MSRB3: variants seen among roughly 807,000 people sequenced by gnomAD.
The protein encoded by MSRB3 is methionine-R-sulfoxide reductase B3.
MSRB3 carries 13 observed loss-of-function variants against 21.0 expected under a neutral mutation model. The ratio of observed to expected loss-of-function variants is 0.62; its 90% CI spans 0.40 to 0.98. MSRB3 has a LOEUF of 0.98. Among genes scored for constraint, MSRB3 ranks in the 50% least tolerant of loss-of-function variants. MSRB3 has a pLI of 0.00. For synonymous variants in MSRB3, 87 were observed against 88.6 expected, an observed-to-expected ratio of 0.98 and a Z score of 0.10; for missense variants, 199 against 230.3, an observed-to-expected ratio of 0.86 and a Z score of 0.88.
intron 5 of MSRB3, among the ~76,000 whole-genome samples, chr12:65,426,868 G>A (rs949407044): frequency 1.8e-4 from 28 of 151,398 alleles, no homozygotes; most frequent in African/African-American, 6.8e-4. Flanking sequence ...GTATTTTTTG[G>A]CTCCCTAATT....
intron 4 of MSRB3, among the ~76,000 whole-genome samples, chr12:65,364,385 A>G (rs777180321): frequency 2.0e-5 from 3 of 152,170 alleles, no homozygotes; most frequent in Non-Finnish European, 4.4e-5. Context: ...TCTGTGCTAT[A>G]ATCACCATCT....
intron 5 of MSRB3, among the ~76,000 whole-genome samples, chr12:65,427,983 G>C (rs1354786471): frequency 1.4e-4 from 21 of 152,216 alleles, no homozygotes; most frequent in Admixed American, 1.3e-3. Context: ...AGAGTGTGAG[G>C]ACTCAAGAGG....
At chr12:65,280,597 A>C (rs1278259832) in intron 1 of MSRB3, among the ~76,000 whole-genome samples, 1 of 152,174 alleles carries the variant, frequency 6.6e-6, no homozygotes. Flanking sequence ...CCCAGCTGAT[A>C]TATCAGTCTA....
At chr12:65,398,823 A>G (rs1341058798) in intron 5 of MSRB3, among the ~76,000 whole-genome samples, 1 of 152,148 alleles carries the variant, frequency 6.6e-6, no homozygotes, top group African/African-American at 2.4e-5. Flanking sequence ...TTTTCTCCAT[A>G]TGGCTACCCA....
At chr12:65,294,796 A>G (rs1293855382) in intron 1 of MSRB3, among the ~76,000 whole-genome samples, 1 of 151,886 alleles carries the variant, frequency 6.6e-6, no homozygotes, top group Non-Finnish European at 1.5e-5. Flanking sequence ...TTGGTTTTCA[A>G]TCTTTTGCCA....
chr12:65,438,919 T>A (rs1001864000), intron 5 of MSRB3, among the ~76,000 whole-genome samples: 20 of 151,718 alleles, frequency 1.3e-4, no homozygotes, highest in Admixed American at 1.3e-3. Context: ...AAGCACAACA[T>A]AAAATGGACA....
intron 1 of MSRB3, among the ~76,000 whole-genome samples, chr12:65,290,804 TC>T (rs1278252817): frequency 6.6e-6 from 1 of 152,214 alleles, no homozygotes; most frequent in East Asian, 1.9e-4. Context: ...TTTGACTTTT[TC>T]AAGTAAGTTG....
At chr12:65,426,013 C>T (rs554455737) in intron 5 of MSRB3, among the ~76,000 whole-genome samples, 7 of 152,078 alleles carry the variant, frequency 4.6e-5, no homozygotes, top group South Asian at 2.1e-4. Flanking sequence ...TGTGCCACCA[C>T]GCCTGGCTAA....
At position 65,465,786 on chromosome 12, in the gene MSRB3, A is replaced by G. The variant is rs1003087936; in HGVS notation, c.*2464A>G. On this transcript the variant is annotated 3_prime_UTR_variant, in exon 7 of 7. Coordinates refer to ENST00000308259, the MANE Select transcript of MSRB3 (RefSeq NM_001031679.3). ...TAAAATTTAAGACCAGACCTCAGCC[A>G]TCAGCGTCCAGACCATCCTAGAAGT... The G allele has an allele frequency of 8.5e-5, 13 of 152,254 alleles. No individual in the cohort carries two copies. The highest frequency in any genetic ancestry group is 5.9e-4 in the Admixed American group (9 of 15,284). The allele number at this position is 152,254 out of a possible 1,614,324, so 9.4% of individuals were successfully genotyped here.
At chr12:65,419,250 G>A (rs1000862549) in intron 5 of MSRB3, 34 of 727,276 alleles carry the variant, frequency 4.7e-5, no homozygotes, top group Admixed American at 7.5e-5. Flanking sequence ...GAGCCAGCTC[G>A]TCATATTGGG....
chr12:65,422,388 G>GTATATATATATATATATA (rs59746471), intron 5 of MSRB3, among the ~76,000 whole-genome samples: 8 of 92,486 alleles, frequency 8.6e-5, no homozygotes, highest in Non-Finnish European at 1.5e-4. Context: ...GGAGTACATA[G>GTATATATATATATATATA]TATATATATA....
intron 5 of MSRB3, among the ~76,000 whole-genome samples, chr12:65,430,384 A>G (rs1461185322): frequency 6.6e-6 from 1 of 152,192 alleles, no homozygotes; most frequent in African/African-American, 2.4e-5. Context: ...TATAATACAT[A>G]TTGTACATTA....
chr12:65,450,750 T>C (rs1229020033), intron 5 of MSRB3, among the ~76,000 whole-genome samples: 1 of 152,228 alleles, frequency 6.6e-6, no homozygotes, highest in Non-Finnish European at 1.5e-5. Context: ...CGCAGATTGC[T>C]TTAGTCTCTG....
rs529702871 is a variant in MSRB3 at position 65,373,265 on chromosome 12, A to C, written c.292+4239A>C. Among the ~76,000 whole-genome samples, 8 of 152,340 alleles carry C rather than the reference A, an allele frequency of 5.3e-5. No individual in the cohort carries two copies. The South Asian group carries it at 1.7e-3, about 32-fold the overall frequency. ...TATAAGGATATAGGTGGAATTTACT[A>C]GTCACTAATATAACATCAGGATATT... On this transcript the variant is annotated intron_variant, in intron 5 of 6. Coordinates refer to ENST00000308259, the MANE Select transcript of MSRB3 (RefSeq NM_001031679.3).
At chr12:65,307,452 CTT>C (rs1333818403) in intron 1 of MSRB3, among the ~76,000 whole-genome samples, 1 of 152,016 alleles carries the variant, frequency 6.6e-6, no homozygotes, top group Non-Finnish European at 1.5e-5. Flanking sequence ...CCGGAACAGA[CTT>C]TTTTTGGGGC....
intron 4 of MSRB3, among the ~76,000 whole-genome samples, chr12:65,346,379 T>C (rs1346095049): frequency 6.6e-6 from 1 of 152,210 alleles, no homozygotes; most frequent in Non-Finnish European, 1.5e-5. Flanking sequence ...TACATAAATG[T>C]CTCCTTTTGA....
intron 5 of MSRB3, among the ~76,000 whole-genome samples, chr12:65,401,907 A>C (rs1880146293): frequency 6.6e-6 from 1 of 152,160 alleles, no homozygotes; most frequent in Non-Finnish European, 1.5e-5. Flanking sequence ...TCAGTTTAAA[A>C]TTCTTTTCTT....
intron 2 of MSRB3, among the ~76,000 whole-genome samples, chr12:65,316,847 A>G (rs147477901): frequency 5.9e-5 from 9 of 152,252 alleles, no homozygotes; most frequent in African/African-American, 1.9e-4. Flanking sequence ...GTCAGACTGG[A>G]TTCTCGGAAT....
intron 4 of MSRB3, among the ~76,000 whole-genome samples, chr12:65,355,725 G>A (rs1353561763): frequency 6.6e-6 from 1 of 151,718 alleles, no homozygotes; most frequent in Non-Finnish European, 1.5e-5. Flanking sequence ...TCTGTAGTAT[G>A]CCCCTTTGAG....
Sources: gnomAD v4.1 joint callset for allele counts (sites outside exome capture counted in the v4.1 genomes callset) on GRCh38, gnomAD v4.1.1 for gene constraint, MANE v1.5 for transcripts, NCBI Gene and HGNC (gene_info 2026-07-23, HGNC 2026-07-21) for gene names.